CAPRIN2: variants seen among roughly 807,000 people sequenced by gnomAD.
CAPRIN2 encodes caprin-2.
In CAPRIN2, 66 loss-of-function variants were observed where a neutral mutation model predicts 130.4. The ratio of observed to expected loss-of-function variants is 0.51; its 90% CI spans 0.42 to 0.62. CAPRIN2 has a LOEUF of 0.62. Among genes scored for constraint, CAPRIN2 ranks in the 20% least tolerant of loss-of-function variants. The pLI is 0.00. For synonymous variants in CAPRIN2, 471 were observed against 444.1 expected (o/e 1.06, Z -0.76); for missense variants, 1,185 against 1,246.6 (o/e 0.95, Z 0.74).
chr12:30,721,042 A>G (rs1309620921), intron 11 of CAPRIN2, 127 bp from the exon 13 acceptor site: 2 of 643,220 alleles, frequency 3.1e-6, no homozygotes, highest in South Asian at 1.8e-5. Context: ...TCTGCTAAAC[A>G]CTTTATACGT....
At chr12:30,749,470 A>T (rs2072552504) in intron 2 of CAPRIN2, among the ~76,000 whole-genome samples, 1 of 152,208 alleles carries the variant, frequency 6.6e-6, no homozygotes, top group Non-Finnish European at 1.5e-5. Context: ...TTACTACTAT[A>T]ATAAGTAACG....
intron 11 of CAPRIN2, among the ~76,000 whole-genome samples, chr12:30,722,792 C>G (rs1282571778): frequency 6.6e-6 from 1 of 151,936 alleles, no homozygotes; most frequent in South Asian, 2.1e-4. Context: ...CCCAGCTACT[C>G]GGGAGGCTGA....
At chr12:30,736,720 C>A (rs951941225) in intron 3 of CAPRIN2, among the ~76,000 whole-genome samples, 1 of 152,168 alleles carries the variant, frequency 6.6e-6, no homozygotes, top group African/African-American at 2.4e-5. Context: ...CTCAGTAAGG[C>A]TTTTTGCAAG....
At chr12:30,730,307 T>G (rs1331608440) in intron 6 of CAPRIN2, 25 bp from the exon 8 acceptor site, 1 of 1,551,218 alleles carries the variant, frequency 6.4e-7, no homozygotes, top group African/African-American at 1.4e-5. Flanking sequence ...AGAATCTGAA[T>G]AAATACTAGG....
At chr12:30,723,621 A>G (rs995897039) in intron 10 of CAPRIN2, among the ~76,000 whole-genome samples, 1 of 151,788 alleles carries the variant, frequency 6.6e-6, no homozygotes, top group Non-Finnish European at 1.5e-5. Flanking sequence ...CCAGGAAGGT[A>G]AGACCCAGGC....
chr12:30,736,914 T>C (rs976885392), intron 3 of CAPRIN2, among the ~76,000 whole-genome samples: 7 of 152,216 alleles, frequency 4.6e-5, no homozygotes, highest in Non-Finnish European at 1.0e-4. Flanking sequence ...CATGATTATC[T>C]CAGATTTATC....
chr12:30,730,950 G>C (rs1262810073), intron 6 of CAPRIN2, among the ~76,000 whole-genome samples: 1 of 152,032 alleles, frequency 6.6e-6, no homozygotes, highest in African/African-American at 2.4e-5. Context: ...TTTTTCCCCT[G>C]AATCAGTATT....
intron 2 of CAPRIN2, among the ~76,000 whole-genome samples, chr12:30,748,965 T>C (rs1354406437): frequency 3.3e-5 from 5 of 152,168 alleles, no homozygotes. Context: ...GTCAGAGAAG[T>C]GCTAACTTCT....
intron 3 of CAPRIN2, among the ~76,000 whole-genome samples, chr12:30,739,195 C>T (rs185444587): frequency 2.7e-3 from 406 of 152,280 alleles, no homozygotes; most frequent in Non-Finnish European, 4.0e-3. Flanking sequence ...AAACGTGGTA[C>T]ATATATATCA....
chr12:30,750,779 C>A (rs1435429547), intron 2 of CAPRIN2, among the ~76,000 whole-genome samples: 2 of 152,198 alleles, frequency 1.3e-5, no homozygotes, highest in African/African-American at 2.4e-5. Flanking sequence ...TCAGTCCACT[C>A]TGGCACATAA....
At chr12:30,739,547 CT>C (rs1261975690) in intron 3 of CAPRIN2, among the ~76,000 whole-genome samples, 11 of 152,050 alleles carry the variant, frequency 7.2e-5, no homozygotes, top group African/African-American at 2.7e-4. Context: ...TAATATACCC[CT>C]AAACCTAAAA....
At chr12:30,735,084 G>C in exon 4 of CAPRIN2, 1 of 1,613,922 alleles carries the variant, frequency 6.2e-7, no homozygotes. Context: ...CTTTTTGTAC[G>C]TGCTCCTGTG....
At chr12:30,735,769 T>C (rs761696233) in intron 3 of CAPRIN2, among the ~76,000 whole-genome samples, 3 of 152,176 alleles carry the variant, frequency 2.0e-5, no homozygotes, top group Non-Finnish European at 2.9e-5. Flanking sequence ...AAATAATAAT[T>C]TGCCCTGTCA....
intron 13 of CAPRIN2, 177 bp from the exon 16 acceptor site, chr12:30,715,318 T>C (rs1565551779): frequency 9.1e-6 from 6 of 656,764 alleles, no homozygotes; most frequent in African/African-American, 1.8e-5. Context: ...TTCATATATA[T>C]AATGGAATAT....
exon 15 of CAPRIN2, chr12:30,713,839 A>G (rs549749779): frequency 6.2e-7 from 1 of 1,611,410 alleles, no homozygotes; most frequent in East Asian, 2.2e-5. Context: ...GCAGCTGGCT[A>G]TAATTTCCAT....
rs574883707 is a variant in CAPRIN2, at chr12:30,751,909, A to AT, written c.421-777dup. Among the ~76,000 whole-genome samples, 553 of 87,838 alleles carry AT rather than the reference A, an allele frequency of 6.3e-3. 16 individuals carry two copies. The highest frequency in any genetic ancestry group is 0.013 in the East Asian group (29 of 2,172). 57.6% of individuals were successfully genotyped at this position (87,838 alleles called of 152,430 possible). On this transcript the variant is annotated intron_variant, in intron 1 of 16. Coordinates refer to ENST00000298892, the Ensembl canonical transcript of CAPRIN2. ...AATAATGACATAAACCCACTATGGT[A>AT]TTTTTTTTTTTTTTTTTTTTTTTTT...
intron 14 of CAPRIN2, 107 bp from the exon 17 acceptor site, chr12:30,713,992 T>G (rs2056460397): frequency 5.2e-6 from 3 of 578,144 alleles, no homozygotes; most frequent in Non-Finnish European, 6.1e-6. Context: ...TATAATGCCA[T>G]CATTAGACTT....
In CAPRIN2 at chr12:30,739,528, C is replaced by A. The variant is rs139989076; in HGVS notation, c.570+1492G>T. Among the ~76,000 whole-genome samples, 54 of 152,160 alleles carry A rather than the reference C, an allele frequency of 3.5e-4. No homozygotes were observed. In the East Asian group the frequency reaches 8.7e-3, roughly 24 times the overall value. Reference sequence around the variant, plus strand: ...ACATGAGTTTAACTTTATAACAAACCTGCACATATAATATACCCCTAAACC... The same window carrying A: ...ACATGAGTTTAACTTTATAACAAACATGCACATATAATATACCCCTAAACC... On this transcript the variant is annotated intron_variant, in intron 3 of 16. Coordinates refer to ENST00000298892, the Ensembl canonical transcript of CAPRIN2.
chr12:30,739,577 G>C (rs528637844), intron 3 of CAPRIN2, among the ~76,000 whole-genome samples: 1 of 151,986 alleles, frequency 6.6e-6, no homozygotes, highest in African/African-American at 2.4e-5. Flanking sequence ...TTCTTAAAAA[G>C]AATAAGTCGC....
Sources: gnomAD v4.1 joint callset for allele counts (sites outside exome capture counted in the v4.1 genomes callset) on GRCh38, gnomAD v4.1.1 for gene constraint, MANE v1.5 for transcripts, NCBI Gene and HGNC (gene_info 2026-07-23, HGNC 2026-07-21) for gene names.